The following TENM3 variants were observed in gnomAD, a reference collection of about 807,000 sequenced individuals.
The protein encoded by TENM3 is teneurin transmembrane protein 3.
A neutral mutation model predicts 255.1 loss-of-function variants in TENM3; 63 were observed. The observed-to-expected ratio is 0.25, with a 90% CI of 0.20 to 0.30. The LOEUF (loss-of-function observed/expected upper bound fraction) is 0.30. Ranked by LOEUF, TENM3 falls within the 10% of genes least tolerant of loss-of-function variation. TENM3 has a pLI of 1.00. For synonymous variants in TENM3, 1,306 were observed against 1,322.3 expected (o/e 0.99, Z 0.27); for missense variants, 2,929 against 3,461.1 (o/e 0.85, Z 3.86).
At chr4:181,683,353 C>T in the TENM3 span, among the ~76,000 whole-genome samples, 1 of 151,754 alleles carries the variant, frequency 6.6e-6, no homozygotes, top group East Asian at 1.9e-4. Flanking sequence ...CTAAAACTTA[C>T]ACTTCTAACC....
chr4:182,593,480 C>T (rs140746436), intron 3 of TENM3, among the ~76,000 whole-genome samples: 9 of 152,240 alleles, frequency 5.9e-5, no homozygotes, highest in Non-Finnish European at 1.0e-4. Context: ...ACTGACTTTA[C>T]TCAAACTACT....
chr4:181,946,934 T>C, the TENM3 span, among the ~76,000 whole-genome samples: 2 of 152,206 alleles, frequency 1.3e-5, no homozygotes, highest in Admixed American at 1.3e-4. Context: ...TCTTCCTCAG[T>C]GTAATAAGCA....
chr4:181,771,096 G>A, the TENM3 span, among the ~76,000 whole-genome samples: 1 of 152,222 alleles, frequency 6.6e-6, no homozygotes, highest in Non-Finnish European at 1.5e-5. Flanking sequence ...CAGAGAACAA[G>A]ATGTTATGGA....
chr4:181,892,098 A>G, the TENM3 span, among the ~76,000 whole-genome samples: 1 of 152,204 alleles, frequency 6.6e-6, no homozygotes, highest in Non-Finnish European at 1.5e-5. Flanking sequence ...CAAAACTGTG[A>G]AAAATAAATT....
At chr4:182,243,946 C>CTTTTTTTT (rs967487689) in intron 1 of TENM3, among the ~76,000 whole-genome samples, 3 of 72,914 alleles carry the variant, frequency 4.1e-5, no homozygotes, top group African/African-American at 5.7e-5. Flanking sequence ...TTTGTGTTTT[C>CTTTTTTTT]TTTTTTTTTT....
the TENM3 span, among the ~76,000 whole-genome samples, chr4:181,526,966 T>C: frequency 6.6e-6 from 1 of 152,196 alleles, no homozygotes; most frequent in African/African-American, 2.4e-5. Context: ...AAGTGCTGTC[T>C]CTGTCTTGAT....
intron 3 of TENM3, among the ~76,000 whole-genome samples, chr4:182,597,819 A>G (rs895403797): frequency 6.6e-6 from 1 of 152,176 alleles, no homozygotes; most frequent in Non-Finnish European, 1.5e-5. Flanking sequence ...CCAAATCTGT[A>G]GAGCTAGCAT....
the TENM3 span, among the ~76,000 whole-genome samples, chr4:181,518,886 C>T: frequency 7.9e-5 from 12 of 152,254 alleles, no homozygotes; most frequent in East Asian, 1.9e-4. Flanking sequence ...GTACCAGTTA[C>T]GTAACAAAGC....
intron 1 of TENM3, among the ~76,000 whole-genome samples, chr4:182,266,995 A>G (rs148853839): frequency 0.014 from 2,185 of 152,286 alleles, 30 homozygotes; most frequent in Non-Finnish European, 0.021. Flanking sequence ...GTGTTCTTAA[A>G]TGCAGGTTTT....
At chr4:182,252,743 G>A (rs1336830159) in intron 1 of TENM3, among the ~76,000 whole-genome samples, 1 of 152,130 alleles carries the variant, frequency 6.6e-6, no homozygotes, top group Non-Finnish European at 1.5e-5. Flanking sequence ...ATGACACCTG[G>A]CTAATAAAAG....
intron 3 of TENM3, among the ~76,000 whole-genome samples, chr4:182,421,157 T>C (rs1231576883): frequency 6.6e-6 from 1 of 152,220 alleles, no homozygotes; most frequent in Non-Finnish European, 1.5e-5. Context: ...CACATTTCTC[T>C]GAGCCATTGT....
chr4:182,103,445 ATGGCC>A, the TENM3 span, among the ~76,000 whole-genome samples: 1 of 152,250 alleles, frequency 6.6e-6, no homozygotes. Flanking sequence ...AACTCAATCA[ATGGCC>A]TCTTCATAAT....
intron 1 of TENM3, among the ~76,000 whole-genome samples, chr4:182,164,676 C>G (rs1212016947): frequency 6.6e-6 from 1 of 152,184 alleles, no homozygotes; most frequent in African/African-American, 2.4e-5. Flanking sequence ...GCCCCTAAAA[C>G]CAGGGACCTT....
At chr4:182,283,931 C>T (rs144098209) in intron 1 of TENM3, among the ~76,000 whole-genome samples, 7 of 152,126 alleles carry the variant, frequency 4.6e-5, no homozygotes, top group African/African-American at 7.2e-5. Flanking sequence ...AGTCCAAATG[C>T]GGGTCTTTTG....
chr4:182,066,267 G>C, the TENM3 span, among the ~76,000 whole-genome samples: 1 of 151,538 alleles, frequency 6.6e-6, no homozygotes. Flanking sequence ...TTTTTTATGC[G>C]CTTGTTGACC....
chr4:181,502,814 C>T, the TENM3 span, among the ~76,000 whole-genome samples: 2 of 152,140 alleles, frequency 1.3e-5, no homozygotes, highest in African/African-American at 4.8e-5. Context: ...CTCAGGCCAG[C>T]GTCAGGTAGG....
the TENM3 span, among the ~76,000 whole-genome samples, chr4:181,632,656 CAG>C: frequency 6.6e-6 from 1 of 152,240 alleles, no homozygotes; most frequent in East Asian, 1.9e-4. Context: ...GTTTCTGCCT[CAG>C]TGTGAATCAC....
intron 5 of TENM3, among the ~76,000 whole-genome samples, chr4:182,640,799 A>G (rs1258974555): frequency 6.6e-6 from 1 of 152,170 alleles, no homozygotes; most frequent in Non-Finnish European, 1.5e-5. Flanking sequence ...TTCATTAATA[A>G]TGGTTAAGTT....
the TENM3 span, among the ~76,000 whole-genome samples, chr4:181,873,437 A>G: frequency 2.6e-5 from 4 of 152,114 alleles, no homozygotes; most frequent in East Asian, 1.9e-4. Context: ...ATAAATTTTT[A>G]TTCATGGTGT....
Sources: gnomAD v4.1 joint callset for allele counts (sites outside exome capture counted in the v4.1 genomes callset) on GRCh38, gnomAD v4.1.1 for gene constraint, MANE v1.5 for transcripts, NCBI Gene and HGNC (gene_info 2026-07-23, HGNC 2026-07-21) for gene names.